Variants in FBXL17 observed in about 807,000 individuals in gnomAD.
FBXL17 encodes F-box and leucine rich repeat protein 17, also known as F-box/LRR-repeat protein 17.
In FBXL17, 22 loss-of-function variants were observed where a neutral mutation model predicts 66.2. The observed-to-expected ratio is 0.33, with a 90% CI of 0.24 to 0.47. The LOEUF is 0.47. Among genes scored for constraint, FBXL17 ranks in the 20% least tolerant of loss-of-function variants. FBXL17 has a pLI of 1.00. For missense variants in FBXL17, 878 were observed against 948.2 expected (o/e 0.93, Z 0.97); for synonymous variants, 474 against 400.5 (o/e 1.18, Z -2.19).
intron 4 of FBXL17, among the ~76,000 whole-genome samples, chr5:108,267,214 T>C (rs1757079782): frequency 6.6e-6 from 1 of 151,962 alleles, no homozygotes; most frequent in Non-Finnish European, 1.5e-5. Context: ...TTTCCCTAAA[T>C]AATAACGAAA....
chr5:108,360,498 T>C (rs186922559), intron 3 of FBXL17, among the ~76,000 whole-genome samples: 1 of 152,176 alleles, frequency 6.6e-6, no homozygotes, highest in African/African-American at 2.4e-5. Flanking sequence ...GAGTCACTTA[T>C]CTTTTGCTGC....
Position 108,040,688 on chromosome 5 carries a change from T to C in FBXL17, c.1746-19687A>G, listed in dbSNP as rs533447302. On this transcript the variant is annotated intron_variant, in intron 6 of 8. Transcript: ENST00000542267. ...TTATATTTCTTACATATTCTTAAAC[T>C]GGCTTGAATTTAATATCTTTATCCT... Among the ~76,000 whole-genome samples the C allele has an allele frequency of 2.6e-4, 40 of 152,312 alleles. No homozygotes were observed. The South Asian group carries it at 7.7e-3, about 29-fold the overall frequency.
chr5:108,332,465 T>A (rs1760168375), intron 4 of FBXL17, among the ~76,000 whole-genome samples: 1 of 152,096 alleles, frequency 6.6e-6, no homozygotes, highest in Non-Finnish European at 1.5e-5. Context: ...AAACAAATAT[T>A]CAGATTAAAA....
At chr5:107,977,238 G>T (rs1752614935) in intron 7 of FBXL17, among the ~76,000 whole-genome samples, 1 of 152,096 alleles carries the variant, frequency 6.6e-6, no homozygotes, top group Non-Finnish European at 1.5e-5. Context: ...AGAAGCAATT[G>T]TGGTTATCTC....
intron 4 of FBXL17, among the ~76,000 whole-genome samples, chr5:108,280,913 A>C (rs1757676966): frequency 6.6e-6 from 1 of 151,286 alleles, no homozygotes; most frequent in Non-Finnish European, 1.5e-5. Context: ...AAACAGTAAA[A>C]AGAGAAAGAG....
chr5:108,176,713 G>A (rs1752806436), intron 6 of FBXL17, among the ~76,000 whole-genome samples: 1 of 152,038 alleles, frequency 6.6e-6, no homozygotes, highest in African/African-American at 2.4e-5. Flanking sequence ...GTGTTACATA[G>A]TAAGTAGTAT....
chr5:108,172,692 T>C (rs1265694268), intron 6 of FBXL17, among the ~76,000 whole-genome samples: 1 of 152,122 alleles, frequency 6.6e-6, no homozygotes, highest in Admixed American at 6.6e-5. Flanking sequence ...AGTTGCTTGG[T>C]TGGGTGATTT....
intron 7 of FBXL17, among the ~76,000 whole-genome samples, chr5:107,959,958 A>G (rs1049813427): frequency 6.6e-6 from 1 of 152,164 alleles, no homozygotes; most frequent in Non-Finnish European, 1.5e-5. Context: ...CAGTGACTAA[A>G]ATTAATCTAC....
At chr5:107,957,550 G>A (rs1306353312) in intron 7 of FBXL17, among the ~76,000 whole-genome samples, 1 of 152,124 alleles carries the variant, frequency 6.6e-6, no homozygotes, top group African/African-American at 2.4e-5. Flanking sequence ...TCATCTTTCA[G>A]ATCTCCATAC....
intron 6 of FBXL17, 112 bp from the exon 7 acceptor site, chr5:108,021,113 T>C (rs1754583397): frequency 1.4e-6 from 1 of 705,002 alleles, no homozygotes; most frequent in Non-Finnish European, 2.5e-6. Context: ...TCTTTAATGG[T>C]GTTTCAGGAA....
At chr5:107,985,488 A>G (rs901869030) in intron 7 of FBXL17, among the ~76,000 whole-genome samples, 7 of 152,286 alleles carry the variant, frequency 4.6e-5, no homozygotes, top group African/African-American at 7.2e-5. Context: ...TCAGAGTTTG[A>G]TATCTATTCT....
intron 4 of FBXL17, among the ~76,000 whole-genome samples, chr5:108,285,608 T>C (rs1757867413): frequency 6.6e-6 from 1 of 151,790 alleles, no homozygotes; most frequent in Admixed American, 6.6e-5. Context: ...AGAAATCTTT[T>C]CTTTCTGAGC....
At chr5:108,376,204 C>A (rs1580925852) in intron 1 of FBXL17, among the ~76,000 whole-genome samples, 1 of 152,174 alleles carries the variant, frequency 6.6e-6, no homozygotes, top group East Asian at 1.9e-4. Context: ...AGTTTTTCCC[C>A]AAAATCAGAA....
chr5:108,208,529 T>C (rs756126726), intron 5 of FBXL17, among the ~76,000 whole-genome samples: 2 of 152,202 alleles, frequency 1.3e-5, no homozygotes, highest in African/African-American at 2.4e-5. Context: ...TTTCTGCATA[T>C]GTTGTGCAGT....
chr5:108,182,342 AT>A (rs1753038377), intron 6 of FBXL17, among the ~76,000 whole-genome samples: 1 of 152,218 alleles, frequency 6.6e-6, no homozygotes, highest in Non-Finnish European at 1.5e-5. Context: ...TGAAATTATA[AT>A]TAAGTCTGAT....
chr5:107,980,212 C>A (rs538789253), intron 7 of FBXL17, among the ~76,000 whole-genome samples: 8 of 151,914 alleles, frequency 5.3e-5, no homozygotes, highest in African/African-American at 1.7e-4. Context: ...GGCAAGGCAC[C>A]TAGAATGGTG....
At chr5:107,930,802 G>C (rs1319684979) in intron 7 of FBXL17, among the ~76,000 whole-genome samples, 1 of 152,122 alleles carries the variant, frequency 6.6e-6, no homozygotes. Flanking sequence ...TATTTATGAA[G>C]GTGACTGATT....
chr5:108,208,361 G>A (rs1478419258), intron 5 of FBXL17, among the ~76,000 whole-genome samples: 1 of 152,090 alleles, frequency 6.6e-6, no homozygotes, highest in Non-Finnish European at 1.5e-5. Context: ...ATTGCTTTTG[G>A]TGTTTTAGAG....
chr5:108,160,745 A>C (rs1426028458), intron 6 of FBXL17, among the ~76,000 whole-genome samples: 1 of 152,294 alleles, frequency 6.6e-6, no homozygotes, highest in African/African-American at 2.4e-5. Flanking sequence ...AGAAGAGAGA[A>C]GTTTACTCTC....
Sources: gnomAD v4.1 joint callset for allele counts (sites outside exome capture counted in the v4.1 genomes callset) on GRCh38, gnomAD v4.1.1 for gene constraint, MANE v1.5 for transcripts, NCBI Gene and HGNC (gene_info 2026-07-23, HGNC 2026-07-21) for gene names.